Variants in AHCYL2 observed in about 807,000 individuals in gnomAD.
The protein encoded by AHCYL2 is adenosylhomocysteinase like 2.
In AHCYL2, 28 loss-of-function variants were observed where a neutral mutation model predicts 81.4. The ratio of observed to expected loss-of-function variants is 0.34; its 90% CI spans 0.25 to 0.47. The LOEUF (loss-of-function observed/expected upper bound fraction) is 0.47. Ranked by LOEUF, AHCYL2 falls within the 20% of genes least tolerant of loss-of-function variation. The pLI is 1.00. For synonymous variants in AHCYL2, 272 were observed against 290.2 expected, an observed-to-expected ratio of 0.94 and a Z score of 0.64; for missense variants, 551 against 785.1, an observed-to-expected ratio of 0.70 and a Z score of 3.56.
At chr7:129,318,943 A>C (rs1797920040) in intron 1 of AHCYL2, among the ~76,000 whole-genome samples, 1 of 151,760 alleles carries the variant, frequency 6.6e-6, no homozygotes. Flanking sequence ...ATTTGGGGGT[A>C]GGGGATGGTG....
intron 1 of AHCYL2, among the ~76,000 whole-genome samples, chr7:129,297,287 C>T (rs1029423235): frequency 6.6e-6 from 1 of 152,156 alleles, no homozygotes; most frequent in Non-Finnish European, 1.5e-5. Context: ...GTCCTTTGCA[C>T]TCTAGTATGC....
chr7:129,389,394 A>AAG (rs1795358208), intron 3 of AHCYL2, among the ~76,000 whole-genome samples, 195 bp downstream of exon 3: 1 of 151,648 alleles, frequency 6.6e-6, no homozygotes. Flanking sequence ...TAAAAAAAAA[A>AAG]AAAAAAAAGG....
intron 1 of AHCYL2, among the ~76,000 whole-genome samples, chr7:129,373,043 T>C (rs1794488768): frequency 6.6e-6 from 1 of 152,090 alleles, no homozygotes; most frequent in Non-Finnish European, 1.5e-5. Flanking sequence ...CATCAGCGTC[T>C]CCCGGGGAGT....
chr7:129,374,799 C>A (rs1794594340), intron 1 of AHCYL2, among the ~76,000 whole-genome samples: 1 of 142,940 alleles, frequency 7.0e-6, no homozygotes, highest in Admixed American at 7.0e-5. Context: ...AAGAGCAAAA[C>A]TCCATCTCAA....
At chr7:129,415,738 CCCAGGAGTTCGAGA>C (rs1432618851) in intron 12 of AHCYL2, among the ~76,000 whole-genome samples, 5 of 151,972 alleles carry the variant, frequency 3.3e-5, no homozygotes, top group African/African-American at 1.2e-4. Flanking sequence ...ATTACTTGAG[CCCAGGAGTTCGAGA>C]CCAGTCTAGG....
intron 1 of AHCYL2, among the ~76,000 whole-genome samples, chr7:129,271,546 A>G (rs1302117860): frequency 2.0e-5 from 3 of 152,156 alleles, no homozygotes; most frequent in Non-Finnish European, 4.4e-5. Flanking sequence ...CTGAATAACA[A>G]TAATGTTGAA....
intron 1 of AHCYL2, among the ~76,000 whole-genome samples, chr7:129,305,614 T>C (rs1031565984): frequency 6.6e-6 from 1 of 152,232 alleles, no homozygotes; most frequent in African/African-American, 2.4e-5. Context: ...TTCTGAAATA[T>C]GAGTTTACAT....
chr7:129,384,249 A>G (rs1795100572), intron 2 of AHCYL2, among the ~76,000 whole-genome samples: 1 of 149,296 alleles, frequency 6.7e-6, no homozygotes, highest in African/African-American at 2.4e-5. Context: ...TATATCATAT[A>G]TATTATGTTG....
rs192098094 is a variant in AHCYL2 at position 129,419,678 on chromosome 7, C to T, written c.1462-3162C>T. Among the ~76,000 whole-genome samples, 19 of 150,834 alleles carry T rather than the reference C, an allele frequency of 1.3e-4. No homozygotes were observed. Among genetic ancestry groups the T allele is most frequent in the African/African-American group, 3.9e-4 (16 of 40,964 alleles). ...TTAAACATTTTTTCCAGCCGAAGAACGATTTAACCTGAGACTTTGTGCTTT... is the reference window on the plus strand; with the variant it reads ...TTAAACATTTTTTCCAGCCGAAGAATGATTTAACCTGAGACTTTGTGCTTT... On this transcript the variant is annotated intron_variant, in intron 12 of 16. Transcript: ENST00000325006. The surrounding 1 kb of genome is among the most constrained non-coding windows in gnomAD (Gnocchi z 4.7).
At chr7:129,366,484 G>A (rs564282768) in intron 1 of AHCYL2, among the ~76,000 whole-genome samples, 1 of 152,098 alleles carries the variant, frequency 6.6e-6, no homozygotes. Flanking sequence ...AATTTAGAAA[G>A]TATTTTGCCA....
At chr7:129,330,203 T>C (rs1398043715) in intron 1 of AHCYL2, among the ~76,000 whole-genome samples, 1 of 152,138 alleles carries the variant, frequency 6.6e-6, no homozygotes, top group Non-Finnish European at 1.5e-5. Context: ...GTTTTCACTA[T>C]GTTGGGCTGG....
At chr7:129,258,257 G>GA (rs34015816) in intron 1 of AHCYL2, among the ~76,000 whole-genome samples, 39 of 140,618 alleles carry the variant, frequency 2.8e-4, no homozygotes, top group African/African-American at 4.2e-4. Context: ...CCTTTAAAAG[G>GA]AAAAAAAAAA....
At chr7:129,312,803 C>G (rs1030642201) in intron 1 of AHCYL2, among the ~76,000 whole-genome samples, 1 of 152,140 alleles carries the variant, frequency 6.6e-6, no homozygotes, top group South Asian at 2.1e-4. Context: ...CTTTCCCTGT[C>G]AGAAGCTCCC....
chr7:129,405,732 T>C, intron 8 of AHCYL2, 104 bp from the exon 9 acceptor site: 1 of 1,106,522 alleles, frequency 9.0e-7, no homozygotes, highest in Non-Finnish European at 1.3e-6. Flanking sequence ...TCTTTCAAAA[T>C]GAAAAACCAA....
rs965936071 is a variant in AHCYL2 at position 129,291,787 on chromosome 7, A to G, written c.363+66348A>G. 2.0e-5 allele frequency among the ~76,000 whole-genome samples: 3 copies of G among 151,778 alleles called. No homozygotes were observed. The East Asian group carries it at 5.8e-4, about 29-fold the overall frequency. ...TGGAAAATTTTGTTTTTGTATTTTT[A>G]GTAGAGACGGGGTTTCACCGTGTTA... On this transcript the variant is annotated intron_variant, in intron 1 of 16. Transcript: ENST00000325006.
intron 1 of AHCYL2, among the ~76,000 whole-genome samples, chr7:129,299,417 G>A (rs1195229124): frequency 2.5e-5 from 2 of 79,964 alleles, no homozygotes; most frequent in Non-Finnish European, 4.3e-5. Flanking sequence ...TTTTTGAGAT[G>A]GAGTCTCGCT....
chr7:129,376,481 A>G (rs1160046077), intron 1 of AHCYL2, among the ~76,000 whole-genome samples: 1 of 152,252 alleles, frequency 6.6e-6, no homozygotes, highest in East Asian at 1.9e-4. Context: ...TGTACAACCT[A>G]GTCTTCTTTA....
intron 1 of AHCYL2, among the ~76,000 whole-genome samples, chr7:129,318,972 T>A (rs1797922142): frequency 6.6e-6 from 1 of 151,994 alleles, no homozygotes; most frequent in South Asian, 2.1e-4. Context: ...AAAACTACTA[T>A]AAGCAAAGTT....
chr7:129,327,119 G>A lies in AHCYL2; in HGVS notation c.364-52519G>A, dbSNP rs754062167. ...GTTCCTCCCAAATTCATATGTTGAA[G>A]CCCTAATTCCCAGTGTGATGGTATT... On this transcript the variant is annotated intron_variant, in intron 1 of 16. Transcript: ENST00000325006. 1.0e-3 allele frequency among the ~76,000 whole-genome samples: 158 copies of A among 152,308 alleles called. 1 individual carries two copies. The highest frequency in any genetic ancestry group is 1.8e-3 in the Non-Finnish European group (121 of 68,024).
Sources: gnomAD v4.1 joint callset for allele counts (sites outside exome capture counted in the v4.1 genomes callset) on GRCh38, gnomAD v4.1.1 for gene constraint, Gnocchi (gnomAD v3.1) non-coding constraint, MANE v1.5 for transcripts, NCBI Gene and HGNC (gene_info 2026-07-23, HGNC 2026-07-21) for gene names.